Variants in SIX4 observed in about 807,000 individuals in gnomAD.
The protein encoded by SIX4 is homeobox protein SIX4.
Under a neutral mutation model 51.5 loss-of-function variants are expected in SIX4, and 23 were observed. The ratio of observed to expected loss-of-function variants is 0.45; its 90% CI spans 0.32 to 0.63. SIX4 has a LOEUF of 0.63. SIX4 is among the 30% of genes least tolerant of loss of function. The pLI is 0.04. For missense variants in SIX4, 867 were observed against 984.0 expected (o/e 0.88, Z 1.59); for synonymous variants, 413 against 417.3 (o/e 0.99, Z 0.13).
At position 60,713,264 on chromosome 14, in the gene SIX4, T is replaced by C. The variant is rs955998945; in HGVS notation, c.*143A>G. On this transcript the variant is annotated 3_prime_UTR_variant, in exon 3 of 3. Coordinates refer to ENST00000216513, the MANE Select transcript of SIX4 (RefSeq NM_017420.5). ...CCTGTATACTTAACTGTGATCTTCA[T>C]GCAGATCAATCTAAAGTCTCTTGTA... 4 of 774,346 alleles carry C rather than the reference T, an allele frequency of 5.2e-6. No homozygotes were observed. Among genetic ancestry groups the C allele is most frequent in the Non-Finnish European group, 8.1e-6 (4 of 496,296 alleles). 48.0% of individuals were successfully genotyped at this position (774,346 alleles called of 1,614,324 possible).
At position 60,720,292 on chromosome 14, in the gene SIX4, A is replaced by T; in HGVS notation, c.1017T>A (p.Ala339=). The stretch of plus-strand genomic sequence containing the variant: ...CTCCAGAAGAGCTTAATGATATCTT[A>T]GCATTTCCAATTTGTTGCATATATA... ...EPVYMQQIGN[A]KISLSSSGVL... is the part of the protein sequence containing the mutation. The change falls in exon 2 of 3, where the codon GCT becomes GCA. Residue 339 remains alanine, a synonymous_variant. Transcript: ENST00000216513. This position sits in a 1 kb window ranked among gnomAD's most constrained non-coding sequence, Gnocchi z 5.5. 4 of 1,614,232 alleles carry T rather than the reference A, an allele frequency of 2.5e-6. No individual in the cohort carries two copies. Among genetic ancestry groups the T allele is most frequent in the Non-Finnish European group, 3.4e-6 (4 of 1,180,054 alleles).
chr14:60,711,438 A>C lies in SIX4; in HGVS notation c.*1969T>G, dbSNP rs976699487. On this transcript the variant is annotated 3_prime_UTR_variant, in exon 3 of 3. Coordinates refer to ENST00000216513, the MANE Select transcript of SIX4 (RefSeq NM_017420.5). ...CTATGTCCCTTATTCAACATGCTTGATTGATTGACATGTAGAGAACTAGAG... is the reference window on the plus strand; with the variant it reads ...CTATGTCCCTTATTCAACATGCTTGCTTGATTGACATGTAGAGAACTAGAG... The C allele has an allele frequency of 1.3e-5, 2 of 152,120 alleles. No homozygotes were observed. The highest frequency in any genetic ancestry group is 2.4e-5 in the African/African-American group (1 of 41,412). The allele number at this position is 152,120 out of a possible 1,614,324, so 9.4% of individuals were successfully genotyped here. A position where few individuals can be genotyped will look rare whatever the true frequency, so the allele number is the denominator to read the frequency against.
At position 60,712,675 on chromosome 14, in the gene SIX4, C is replaced by G. The variant is rs1895844414; in HGVS notation, c.*732G>C. Reference sequence around the variant, plus strand: ...AAAAATAAATTAAACAGTAAGAAAACATATTTTTCAGTTCATAGCGCCTGA... The same window carrying G: ...AAAAATAAATTAAACAGTAAGAAAAGATATTTTTCAGTTCATAGCGCCTGA... On this transcript the variant is annotated 3_prime_UTR_variant, in exon 3 of 3. Coordinates refer to ENST00000216513, the MANE Select transcript of SIX4 (RefSeq NM_017420.5). 6.6e-6 allele frequency: 1 copy of G among 152,480 alleles called. No individual in the cohort carries two copies. The highest frequency in any genetic ancestry group is 2.4e-5 in the African/African-American group (1 of 41,424). The allele number at this position is 152,480 out of a possible 1,614,324, so 9.4% of individuals were successfully genotyped here.
At chr14:60,716,199 A>G (rs1310233029) in intron 2 of SIX4, among the ~76,000 whole-genome samples, 1 of 151,002 alleles carries the variant, frequency 6.6e-6, no homozygotes, top group East Asian at 2.0e-4. Context: ...CTCCCACTTC[A>G]GCCTCCCAAG....
At chr14:60,721,490 A>C (rs1896018203) in intron 1 of SIX4, among the ~76,000 whole-genome samples, 1 of 152,176 alleles carries the variant, frequency 6.6e-6, no homozygotes, top group African/African-American at 2.4e-5. Context: ...GGAGCGCAGA[A>C]AGCGCTTTGA....
At position 60,723,936 on chromosome 14, in the gene SIX4, C is replaced by A; in HGVS notation, c.139G>T (p.Ala47Ser). ...GGAAVGLSPPAPAPFPLEPGD... is the reference protein window; with the variant it reads ...GGAAVGLSPPSPAPFPLEPGD... ...GGCTCCAGGGGAAAAGGGGCTGGAGCCGGGGGGCTCAGCCCTACCGCCGCG... is the reference window on the plus strand; with the variant it reads ...GGCTCCAGGGGAAAAGGGGCTGGAGACGGGGGGCTCAGCCCTACCGCCGCG... Residue 47 changes from alanine to serine, a missense_variant, in exon 1 of 3, where the codon GCT becomes TCT. Transcript: ENST00000216513. The A allele has an allele frequency of 1.3e-6, 2 of 1,511,290 alleles. No homozygotes were observed. The highest frequency in any genetic ancestry group is 2.7e-5 in the South Asian group (2 of 74,430). 93.6% of individuals were successfully genotyped at this position (1,511,290 alleles called of 1,614,324 possible). A position where few individuals can be genotyped will look rare whatever the true frequency, so the allele number is the denominator to read the frequency against.
chr14:60,724,276 C>G lies in SIX4; in HGVS notation c.-202G>C, dbSNP rs2140274178. On this transcript the variant is annotated 5_prime_UTR_variant, in exon 1 of 3. Transcript: ENST00000216513. Reference sequence around the variant, plus strand: ...GTCACCATTAAGATAGCTGTTAGAGCAAAGTAGTGTAAACGGATAGCTGCT... The same window carrying G: ...GTCACCATTAAGATAGCTGTTAGAGGAAAGTAGTGTAAACGGATAGCTGCT... 3.3e-6 allele frequency: 5 copies of G among 1,532,232 alleles called. No homozygotes were observed. The South Asian group carries it at 4.8e-5, about 15-fold the overall frequency. The allele number at this position is 1,532,232 out of a possible 1,614,324, so 94.9% of individuals were successfully genotyped here.
chr14:60,714,309 C>T lies in SIX4; in HGVS notation c.1550-106G>A, dbSNP rs551585523. On this transcript the variant is annotated intron_variant, in intron 2 of 2. Coordinates refer to ENST00000216513, the MANE Select transcript of SIX4 (RefSeq NM_017420.5). The stretch of plus-strand genomic sequence containing the variant: ...GTACAGTATCTATAAAGAAGCAACA[C>T]TTCCATACAATCATTTAGCCCAATT... 3.2e-5 allele frequency: 31 copies of T among 963,710 alleles called. No homozygotes were observed. In the South Asian group the frequency reaches 5.7e-4, roughly 18 times the overall value. 59.7% of individuals were successfully genotyped at this position (963,710 alleles called of 1,614,324 possible).
rs1405463952 is a variant in SIX4 at position 60,713,182 on chromosome 14, C to T, written c.*225G>A. 2 of 443,208 alleles carry T rather than the reference C, an allele frequency of 4.5e-6. No individual in the cohort carries two copies. Among genetic ancestry groups the T allele is most frequent in the African/African-American group, 4.0e-5 (2 of 49,458 alleles). The allele number at this position is 443,208 out of a possible 1,614,324, so 27.5% of individuals were successfully genotyped here. A position where few individuals can be genotyped will look rare whatever the true frequency, so the allele number is the denominator to read the frequency against. On this transcript the variant is annotated 3_prime_UTR_variant, in exon 3 of 3. Transcript: ENST00000216513. ...ATTTCACCTTGTCCTTTGTCTCCAT[C>T]TATTTAAAAGAGAAATTTATAAGTG... is the stretch of plus-strand genomic sequence containing the variant.
At position 60,721,881 on chromosome 14, in the gene SIX4, G is replaced by T. The variant is rs368028685; in HGVS notation, c.863+1331C>A. ...GGACCTCTCCGCATATCTGCGGAAG[G>T]CGCACGCACATCCCGGTGCACCTTT... is the stretch of plus-strand genomic sequence containing the variant. On this transcript the variant is annotated intron_variant, in intron 1 of 2. Transcript: ENST00000216513. Among the ~76,000 whole-genome samples, 50 of 152,384 alleles carry T rather than the reference G, an allele frequency of 3.3e-4. No individual in the cohort carries two copies. In the South Asian group the frequency reaches 9.7e-3, roughly 30 times the overall value.
In SIX4 at chr14:60,720,287, A is replaced by G. The variant is rs1341169959; in HGVS notation, c.1022T>C (p.Ile341Thr). ...VYMQQIGNAK[I>T]SLSSSGVLLN... ...CAGAACTCCAGAAGAGCTTAATGAT[A>G]TCTTAGCATTTCCAATTTGTTGCAT... The change falls in exon 2 of 3, where the codon ATA (isoleucine) becomes ACA (threonine). Residue 341 changes from isoleucine to threonine, a missense_variant. Coordinates refer to ENST00000216513, the MANE Select transcript of SIX4 (RefSeq NM_017420.5). The surrounding 1 kb of genome is among the most constrained non-coding windows in gnomAD (Gnocchi z 5.5). The G allele has an allele frequency of 1.2e-6, 2 of 1,614,252 alleles. No homozygotes were observed. Among genetic ancestry groups the G allele is most frequent in the Admixed American group, 3.3e-5 (2 of 60,022 alleles).
At chr14:60,721,273 C>T (rs1168300749) in intron 1 of SIX4, 2 of 310,622 alleles carry the variant, frequency 6.4e-6, no homozygotes, top group Non-Finnish European at 9.3e-6. Flanking sequence ...GGAGAAATAC[C>T]AAATCGGGGT....
In SIX4 at chr14:60,712,888, CTT is replaced by C. The variant is rs1250691774; in HGVS notation, c.*517_*518del. ...AGACAAATGTGTTTGAGACCCAAGA[CTT>C]TCTCAAAAAATGCTGAAAAAGAGGT... On this transcript the variant is annotated 3_prime_UTR_variant, in exon 3 of 3. Coordinates refer to ENST00000216513, the MANE Select transcript of SIX4 (RefSeq NM_017420.5). 1 of 152,588 alleles carries C rather than the reference CTT, an allele frequency of 6.6e-6. No homozygotes were observed. The highest frequency in any genetic ancestry group is 1.5e-5 in the Non-Finnish European group (1 of 68,096). The allele number at this position is 152,588 out of a possible 1,614,324, so 9.5% of individuals were successfully genotyped here.
chr14:60,719,652 A>G lies in SIX4; in HGVS notation c.1549+108T>C. 9.3e-7 allele frequency: 1 copy of G among 1,076,096 alleles called. No homozygotes were observed. The highest frequency in any genetic ancestry group is 1.6e-5 in the African/African-American group (1 of 63,534). The allele number at this position is 1,076,096 out of a possible 1,614,324, so 66.7% of individuals were successfully genotyped here. The stretch of plus-strand genomic sequence containing the variant: ...CTACTCTACAGCTTCGGCAGCTAAT[A>G]AGGTACCTGAACAGAAACATCAATC... On this transcript the variant is annotated intron_variant, in intron 2 of 2. Transcript: ENST00000216513. This position sits in a 1 kb window ranked among gnomAD's most constrained non-coding sequence, Gnocchi z 4.9.
At chr14:60,715,379 TG>T (rs1426283959) in intron 2 of SIX4, among the ~76,000 whole-genome samples, 1 of 152,212 alleles carries the variant, frequency 6.6e-6, no homozygotes, top group Non-Finnish European at 1.5e-5. Flanking sequence ...CATATAAACC[TG>T]TATAGACAAG....
rs141516639 is a variant in SIX4, at chr14:60,719,784, G to A, written c.1525C>T (p.Pro509Ser). The A allele has an allele frequency of 1.1e-4, 177 of 1,614,090 alleles. No homozygotes were observed. The African/African-American group carries it at 1.9e-3, about 18-fold the overall frequency. ...SIGFSPLQLPPVSVAASQGNI... is the reference protein window; with the variant it reads ...SIGFSPLQLPSVSVAASQGNI... ...CCTTGTGAAGCTGCCACTGACACAG[G>A]GGGCAGCTGCAGTGGAGAGAATCCA... Residue 509 changes from proline (P) to serine (S), a missense_variant, in exon 2 of 3, where the codon CCT (proline) becomes TCT (serine). Physicochemically the swap from Pro to Ser is moderately conservative, Grantham distance 74. Coordinates refer to ENST00000216513, the MANE Select transcript of SIX4 (RefSeq NM_017420.5). The surrounding 1 kb of genome is among the most constrained non-coding windows in gnomAD (Gnocchi z 4.9).
In SIX4 at chr14:60,710,219, G is replaced by A. The variant is rs187121115; in HGVS notation, c.*3188C>T. 2.6e-5 allele frequency: 4 copies of A among 152,732 alleles called. No individual in the cohort carries two copies. The highest frequency in any genetic ancestry group is 2.6e-4 in the Admixed American group (4 of 15,298). The allele number at this position is 152,732 out of a possible 1,614,324, so 9.5% of individuals were successfully genotyped here. A position where few individuals can be genotyped will look rare whatever the true frequency, so the allele number is the denominator to read the frequency against. On this transcript the variant is annotated 3_prime_UTR_variant, in exon 3 of 3. Coordinates refer to ENST00000216513, the MANE Select transcript of SIX4 (RefSeq NM_017420.5). Reference sequence around the variant, plus strand: ...CAAGATACAAGGGCATACACAGAGAGATTTAAGGTCAGTGTGCAATTTAAC... The same window carrying A: ...CAAGATACAAGGGCATACACAGAGAAATTTAAGGTCAGTGTGCAATTTAAC...
rs1427852475 is a variant in SIX4 at position 60,719,326 on chromosome 14, C to G, written c.1549+434G>C. 1.3e-5 allele frequency among the ~76,000 whole-genome samples: 2 copies of G among 152,182 alleles called. No homozygotes were observed. Among genetic ancestry groups the G allele is most frequent in the Non-Finnish European group, 2.9e-5 (2 of 68,024 alleles). ...GTCTTTTTAGCTTGTTCTTCTAAAA[C>G]ATTTTTTGGTCAAATAAATAATGCT... On this transcript the variant is annotated intron_variant, in intron 2 of 2. Transcript: ENST00000216513. This position sits in a 1 kb window ranked among gnomAD's most constrained non-coding sequence, Gnocchi z 4.9.
At chr14:60,716,436 A>G (rs1236605516) in intron 2 of SIX4, among the ~76,000 whole-genome samples, 2 of 151,812 alleles carry the variant, frequency 1.3e-5, no homozygotes, top group Admixed American at 6.6e-5. Flanking sequence ...TATTTTTAGT[A>G]GAGACAGGGT....
Sources: gnomAD v4.1 joint callset for allele counts (sites outside exome capture counted in the v4.1 genomes callset) on GRCh38, gnomAD v4.1.1 for gene constraint, Gnocchi (gnomAD v3.1) non-coding constraint, MANE v1.5 for transcripts, NCBI Gene and HGNC (gene_info 2026-07-23, HGNC 2026-07-21) for gene names.